Variants in PDZRN3 observed in about 807,000 individuals in gnomAD.
PDZRN3 encodes E3 ubiquitin-protein ligase PDZRN3.
PDZRN3 carries 38 observed loss-of-function variants against 85.7 expected under a neutral mutation model. The observed-to-expected ratio is 0.44, with a 90% CI of 0.34 to 0.58. The LOEUF (loss-of-function observed/expected upper bound fraction) is 0.58. PDZRN3 is among the 20% of genes least tolerant of loss of function. The pLI is 0.01. For synonymous variants in PDZRN3, 759 were observed against 638.0 expected, an observed-to-expected ratio of 1.19 and a Z score of -2.86; for missense variants, 1,629 against 1,506.4, an observed-to-expected ratio of 1.08 and a Z score of -1.35.
chr3:73,583,113 C>A (rs1702225180), intron 3 of PDZRN3, among the ~76,000 whole-genome samples: 1 of 152,144 alleles, frequency 6.6e-6, no homozygotes, highest in South Asian at 2.1e-4. Flanking sequence ...TTCTAACAGC[C>A]CCTAACATCT....
intron 3 of PDZRN3, among the ~76,000 whole-genome samples, chr3:73,497,366 T>C (rs1359529246): frequency 2.0e-5 from 3 of 152,204 alleles, no homozygotes; most frequent in Non-Finnish European, 4.4e-5. Flanking sequence ...AAACTCATCT[T>C]TAAGCCAAAT....
At chr3:73,418,540 C>T (rs997942847) in intron 3 of PDZRN3, among the ~76,000 whole-genome samples, 1 of 152,164 alleles carries the variant, frequency 6.6e-6, no homozygotes, top group African/African-American at 2.4e-5. Flanking sequence ...TACTTACACC[C>T]TTCTGAATTA....
At chr3:73,482,227 T>C (rs1283940485) in intron 3 of PDZRN3, among the ~76,000 whole-genome samples, 1 of 152,234 alleles carries the variant, frequency 6.6e-6, no homozygotes, top group Admixed American at 6.5e-5. Flanking sequence ...TTGTACTGTA[T>C]TTATAATTCA....
intron 8 of PDZRN3, among the ~76,000 whole-genome samples, chr3:73,386,260 C>A (rs1263612286): frequency 1.3e-5 from 1 of 77,918 alleles, no homozygotes; most frequent in East Asian, 6.5e-4. Flanking sequence ...CAGAATCTCA[C>A]TCTGTCTCCC....
At chr3:73,483,985 T>C (rs1322241905) in intron 3 of PDZRN3, among the ~76,000 whole-genome samples, 1 of 152,030 alleles carries the variant, frequency 6.6e-6, no homozygotes, top group Non-Finnish European at 1.5e-5. Context: ...CTTGAACGTA[T>C]TATAAAAGAA....
chr3:73,574,271 ATCT>A (rs1352716680), intron 3 of PDZRN3, among the ~76,000 whole-genome samples: 2 of 151,048 alleles, frequency 1.3e-5, no homozygotes, highest in African/African-American at 2.4e-5. Context: ...TTGACTGCTA[ATCT>A]TCTCACCATC....
Position 73,624,384 on chromosome 3 carries a change from G to A in PDZRN3, c.442C>T (p.Leu148=), listed in dbSNP as rs1702929992. 2 of 1,310,356 alleles carry A rather than the reference G, an allele frequency of 1.5e-6. No homozygotes were observed. Among genetic ancestry groups the A allele is most frequent in the South Asian group, 4.4e-5 (2 of 45,724 alleles). 81.2% of individuals were successfully genotyped at this position (1,310,356 alleles called of 1,614,324 possible). A position where few individuals can be genotyped will look rare whatever the true frequency, so the allele number is the denominator to read the frequency against. The part of the protein sequence containing the change: ...PVGRCQEGCG[L]PLTHGEQRAG... ...CGCTGCTCGCCGTGCGTCAAGGGTA[G>A]CCCGCAGCCCTCCTGGCAGCGGCCC... is the stretch of plus-strand genomic sequence containing the variant. Residue 148 remains leucine (L), a synonymous_variant, in exon 1 of 10, where the codon CTA becomes TTA. Coordinates refer to ENST00000263666, the MANE Select transcript of PDZRN3 (RefSeq NM_015009.3).
intron 5 of PDZRN3, 109 bp from the exon 6 acceptor site, chr3:73,391,225 C>T (rs1287976902): frequency 2.7e-6 from 2 of 754,024 alleles, no homozygotes; most frequent in Non-Finnish European, 2.3e-6. Context: ...GATTTCTTTG[C>T]ATTCAACTGT....
intron 3 of PDZRN3, among the ~76,000 whole-genome samples, chr3:73,592,812 C>A (rs990766179): frequency 3.3e-5 from 5 of 152,176 alleles, no homozygotes; most frequent in Admixed American, 3.3e-4. Context: ...TGCCATTCTG[C>A]CCTTGCGTCT....
intron 3 of PDZRN3, among the ~76,000 whole-genome samples, chr3:73,544,349 C>T (rs1014502478): frequency 6.6e-6 from 1 of 152,144 alleles, no homozygotes; most frequent in African/African-American, 2.4e-5. Context: ...TTTAAACTTG[C>T]TCTTTTAACA....
chr3:73,539,972 G>A (rs929729818), intron 3 of PDZRN3, among the ~76,000 whole-genome samples: 2 of 151,446 alleles, frequency 1.3e-5, no homozygotes. Context: ...AGTACTGCAC[G>A]GATGAAGATT....
chr3:73,462,735 T>C (rs564281571), intron 3 of PDZRN3, among the ~76,000 whole-genome samples: 48 of 152,290 alleles, frequency 3.2e-4, no homozygotes, highest in African/African-American at 1.0e-3. Flanking sequence ...CCTCATTCTG[T>C]CACTTAACAA....
Position 73,608,614 on chromosome 3 carries a change from C to T in PDZRN3, c.794G>A (p.Gly265Asp), listed in dbSNP as rs1198171432. The T allele has an allele frequency of 3.1e-6, 5 of 1,611,252 alleles. No homozygotes were observed. The highest frequency in any genetic ancestry group is 4.2e-6 in the Non-Finnish European group (5 of 1,177,860). The change falls in exon 2 of 10, where the codon GGT becomes GAT. Residue 265 changes from glycine (G) to aspartate (D), a missense_variant. Transcript: ENST00000263666. ...TTAACATACCACACTCGGCCGGCCA[C>T]CAATAATATTGAATCCCAGGGAGCC... ...DSGSLGFNII[G>D]GRPSVDNHDG...
chr3:73,573,005 T>C (rs1702066669), intron 3 of PDZRN3, among the ~76,000 whole-genome samples: 1 of 152,234 alleles, frequency 6.6e-6, no homozygotes, highest in Admixed American at 6.5e-5. Flanking sequence ...TCCCACAGTG[T>C]GCCGGAATTA....
chr3:73,484,243 T>C lies in PDZRN3; in HGVS notation c.919-79848A>G, dbSNP rs928115586. Among the ~76,000 whole-genome samples the C allele has an allele frequency of 2.6e-5, 4 of 152,124 alleles. 1 individual carries two copies. The South Asian group carries it at 8.3e-4, about 32-fold the overall frequency. On this transcript the variant is annotated intron_variant, in intron 3 of 9. Coordinates refer to ENST00000263666, the MANE Select transcript of PDZRN3 (RefSeq NM_015009.3). ...GAGGAGGAGAAGGAGAAAGAGAAAG[T>C]GCAAGAGTTTGGATTCATATACCTT...
At chr3:73,551,901 T>C (rs1701567990) in intron 3 of PDZRN3, among the ~76,000 whole-genome samples, 1 of 152,134 alleles carries the variant, frequency 6.6e-6, no homozygotes, top group African/African-American at 2.4e-5. Flanking sequence ...CTTCCCCTGT[T>C]GTACCTGTGA....
chr3:73,576,325 T>C (rs1702122890), intron 3 of PDZRN3, among the ~76,000 whole-genome samples: 1 of 152,162 alleles, frequency 6.6e-6, no homozygotes, highest in Non-Finnish European at 1.5e-5. Flanking sequence ...AAAGCTGATA[T>C]AAAGCTGATA....
At chr3:73,543,129 C>T (rs374991607) in intron 3 of PDZRN3, among the ~76,000 whole-genome samples, 26 of 152,218 alleles carry the variant, frequency 1.7e-4, no homozygotes, top group African/African-American at 6.0e-4. Context: ...GGATTGTTTT[C>T]TATTTCCAAG....
Position 73,457,977 on chromosome 3 carries a change from C to A in PDZRN3, c.919-53582G>T, listed in dbSNP as rs1341903585. ...TGGCATGTTGTTATAGCAGCCTGAC[C>A]AGATGGAAACAGACATGCAATGGCA... On this transcript the variant is annotated intron_variant, in intron 3 of 9. Coordinates refer to ENST00000263666, the MANE Select transcript of PDZRN3 (RefSeq NM_015009.3). 2.0e-5 allele frequency among the ~76,000 whole-genome samples: 3 copies of A among 152,154 alleles called. No individual in the cohort carries two copies. The East Asian group carries it at 5.8e-4, about 29-fold the overall frequency.
Sources: gnomAD v4.1 joint callset for allele counts (sites outside exome capture counted in the v4.1 genomes callset) on GRCh38, gnomAD v4.1.1 for gene constraint, MANE v1.5 for transcripts, NCBI Gene and HGNC (gene_info 2026-07-23, HGNC 2026-07-21) for gene names.